The following SHC4 variants were observed in gnomAD, a reference collection of about 807,000 sequenced individuals.
SHC4 encodes the protein SHC adaptor protein 4, also known as SHC-transforming protein 4.
In SHC4, 41 loss-of-function variants were observed where a neutral mutation model predicts 69.4. The ratio of observed to expected loss-of-function variants is 0.59; its 90% CI spans 0.46 to 0.77. The LOEUF is 0.77. Ranked by LOEUF, SHC4 falls within the 30% of genes least tolerant of loss-of-function variation. The pLI is 0.00. For synonymous variants in SHC4, 318 were observed against 299.3 expected, an observed-to-expected ratio of 1.06 and a Z score of -0.64; for missense variants, 777 against 783.8, an observed-to-expected ratio of 0.99 and a Z score of 0.10.
intron 1 of SHC4, among the ~76,000 whole-genome samples, chr15:48,956,521 A>G (rs185767275): frequency 5.9e-5 from 9 of 152,320 alleles, no homozygotes; most frequent in African/African-American, 2.2e-4. Flanking sequence ...CTGGCCAGAC[A>G]CATGAGGAAT....
intron 1 of SHC4, among the ~76,000 whole-genome samples, chr15:48,936,587 A>G (rs112783827): frequency 0.099 from 15,136 of 152,124 alleles, 1,011 homozygotes; most frequent in Non-Finnish European, 0.12. Context: ...GCCTTCCACC[A>G]TGATTGTAAG....
chr15:48,839,301 T>G (rs1053667656), intron 10 of SHC4, among the ~76,000 whole-genome samples: 3 of 152,214 alleles, frequency 2.0e-5, no homozygotes, highest in African/African-American at 7.2e-5. Context: ...TCACAATCCC[T>G]TCTAGTCCAT....
At chr15:48,869,423 T>C (rs1305040769) in intron 5 of SHC4, among the ~76,000 whole-genome samples, 3 of 152,216 alleles carry the variant, frequency 2.0e-5, no homozygotes, top group African/African-American at 7.2e-5. Context: ...CCTACCCTTG[T>C]ACACAGTTCA....
At chr15:48,872,258 T>C in intron 4 of SHC4, 116 bp from the exon 5 acceptor site, 1 of 580,760 alleles carries the variant, frequency 1.7e-6, no homozygotes, top group Non-Finnish European at 2.9e-6. Flanking sequence ...CAGCATCCCT[T>C]TGAAAACCAC....
chr15:48,945,534 A>G (rs1248275188), intron 1 of SHC4, among the ~76,000 whole-genome samples: 1 of 152,222 alleles, frequency 6.6e-6, no homozygotes, highest in Non-Finnish European at 1.5e-5. Context: ...ATTATACTGG[A>G]ATAAAAAGAA....
chr15:48,953,175 C>A (rs1169451496), intron 1 of SHC4, among the ~76,000 whole-genome samples: 1 of 152,128 alleles, frequency 6.6e-6, no homozygotes, highest in Non-Finnish European at 1.5e-5. Flanking sequence ...AACAGAAAAC[C>A]AAATACTGCA....
intron 2 of SHC4, among the ~76,000 whole-genome samples, chr15:48,915,389 A>G (rs773141594): frequency 1.3e-5 from 2 of 152,224 alleles, no homozygotes; most frequent in Non-Finnish European, 2.9e-5. Context: ...AAAGGAATTT[A>G]GTTGGCTATT....
At chr15:48,913,024 T>TG (rs1340485835) in intron 2 of SHC4, among the ~76,000 whole-genome samples, 2 of 145,968 alleles carry the variant, frequency 1.4e-5, no homozygotes, top group Non-Finnish European at 3.0e-5. Context: ...GTGGACTCCA[T>TG]GGGGGTCCTT....
intron 4 of SHC4, chr15:48,877,728 T>C (rs1387756192): frequency 8.0e-6 from 2 of 250,164 alleles, no homozygotes; most frequent in Non-Finnish European, 6.4e-6. Context: ...TAGTTCTTAA[T>C]ATGCTGATCT....
At chr15:48,938,326 T>C (rs1901111370) in intron 1 of SHC4, 1 of 152,224 alleles carries the variant, frequency 6.6e-6, no homozygotes, top group Non-Finnish European at 1.5e-5. Flanking sequence ...AACAACTGAA[T>C]AATTGATCCC....
intron 1 of SHC4, chr15:48,947,231 G>A (rs1036712513): frequency 1.3e-5 from 2 of 152,134 alleles, no homozygotes; most frequent in African/African-American, 4.8e-5. Flanking sequence ...TCTGGCCAGG[G>A]TCATCCAGCA....
chr15:48,914,311 A>G (rs911132795), intron 2 of SHC4, among the ~76,000 whole-genome samples: 2 of 152,208 alleles, frequency 1.3e-5, no homozygotes. Context: ...GTGTGAGTAC[A>G]TGGGTTTGAG....
chr15:48,960,093 C>G (rs947919937), intron 1 of SHC4, among the ~76,000 whole-genome samples: 2 of 152,216 alleles, frequency 1.3e-5, no homozygotes, highest in African/African-American at 2.4e-5. Context: ...TATCGGCAAT[C>G]TTGTGAGGTT....
At chr15:48,872,740 T>C in intron 4 of SHC4, among the ~76,000 whole-genome samples, 1 of 152,228 alleles carries the variant, frequency 6.6e-6, no homozygotes, top group East Asian at 1.9e-4. Flanking sequence ...AGTAAGGCAC[T>C]AACATTAGGA....
intron 10 of SHC4, among the ~76,000 whole-genome samples, chr15:48,837,395 A>C (rs1329341716): frequency 1.3e-5 from 2 of 152,230 alleles, no homozygotes; most frequent in African/African-American, 2.4e-5. Flanking sequence ...CTAGCTTTTT[A>C]AAATCTAGGA....
At chr15:48,843,146 G>A (rs771746798) in intron 10 of SHC4, among the ~76,000 whole-genome samples, 5 of 152,070 alleles carry the variant, frequency 3.3e-5, no homozygotes, top group African/African-American at 4.8e-5. Flanking sequence ...AGAGACACAG[G>A]GGCAGTCAAT....
intron 1 of SHC4, among the ~76,000 whole-genome samples, chr15:48,957,141 C>A (rs1368446389): frequency 6.6e-6 from 1 of 151,986 alleles, no homozygotes; most frequent in Non-Finnish European, 1.5e-5. Flanking sequence ...ACATGCCCGG[C>A]TAATTTGTGT....
intron 2 of SHC4, among the ~76,000 whole-genome samples, chr15:48,913,671 C>T (rs761264668): frequency 6.6e-6 from 1 of 152,146 alleles, no homozygotes; most frequent in Admixed American, 6.5e-5. Flanking sequence ...ATTCCTTCTC[C>T]CTGTGGAGTT....
At chr15:48,961,419 A>C (rs1901544331) in intron 1 of SHC4, among the ~76,000 whole-genome samples, 1 of 151,894 alleles carries the variant, frequency 6.6e-6, no homozygotes, top group Non-Finnish European at 1.5e-5. Context: ...TCCCTCAGTC[A>C]CCCACTATTC....
Sources: gnomAD v4.1 joint callset for allele counts (sites outside exome capture counted in the v4.1 genomes callset) on GRCh38, gnomAD v4.1.1 for gene constraint, MANE v1.5 for transcripts, NCBI Gene and HGNC (gene_info 2026-07-23, HGNC 2026-07-21) for gene names.